Variants in THAP4 observed in about 807,000 individuals in gnomAD.
The protein encoded by THAP4 is THAP domain containing 4.
Under a neutral mutation model 48.1 loss-of-function variants are expected in THAP4, and 18 were observed. The ratio of observed to expected loss-of-function variants is 0.37; its 90% CI spans 0.26 to 0.56. The LOEUF (loss-of-function observed/expected upper bound fraction) is 0.56. THAP4 is among the 20% of genes least tolerant of loss of function. THAP4 has a pLI of 0.78. For synonymous variants in THAP4, 345 were observed against 324.9 expected, an observed-to-expected ratio of 1.06 and a Z score of -0.66; for missense variants, 656 against 774.9, an observed-to-expected ratio of 0.85 and a Z score of 1.82.
At chr2:241,606,623 G>T in intron 2 of THAP4, 150 bp from the exon 3 acceptor site, 1 of 734,988 alleles carries the variant, frequency 1.4e-6, no homozygotes, top group Non-Finnish European at 2.1e-6. Context: ...AAATGGTCAA[G>T]CAACTGTAAA....
At chr2:241,603,924 G>A (rs2067148549) in intron 3 of THAP4, among the ~76,000 whole-genome samples, 1 of 151,078 alleles carries the variant, frequency 6.6e-6, no homozygotes, top group South Asian at 2.1e-4. Flanking sequence ...GGCCCAGTCG[G>A]GTAGATCTCT....
rs2067584164 is a variant in THAP4 at position 241,632,936 on chromosome 2, G to A, written c.1221C>T (p.Ser407=). The part of the protein sequence containing the change: ...LRRVSVPYPS[S]LLSPSREPPK... ...ACTGACCGCGGCTGGGCGACAGCAG[G>A]CTACTTGGATAGGGGACGCTCACTC... The change falls in exon 2 of 6, where the codon AGC becomes AGT. Residue 407 remains serine, a synonymous_variant. Transcript: ENST00000407315. The A allele has an allele frequency of 1.9e-6, 3 of 1,605,310 alleles. No individual in the cohort carries two copies. In the African/African-American group the frequency reaches 4.0e-5, roughly 22 times the overall value.
At chr2:241,628,269 T>C (rs1231887939) in intron 2 of THAP4, among the ~76,000 whole-genome samples, 1 of 151,946 alleles carries the variant, frequency 6.6e-6, no homozygotes, top group Admixed American at 6.6e-5. Context: ...GGCCGGGCAC[T>C]GAAGCCCAGC....
chr2:241,596,757 G>A (rs896259816), intron 5 of THAP4, among the ~76,000 whole-genome samples: 1 of 151,948 alleles, frequency 6.6e-6, no homozygotes, highest in African/African-American at 2.4e-5. Flanking sequence ...AGTGAGCCGA[G>A]ACTGCACCAC....
At chr2:241,613,152 C>CA (rs924052102) in intron 2 of THAP4, among the ~76,000 whole-genome samples, 1 of 152,026 alleles carries the variant, frequency 6.6e-6, no homozygotes, top group African/African-American at 2.4e-5. Flanking sequence ...CAACCCTTGG[C>CA]ACCCAAGGAG....
intron 5 of THAP4, 120 bp from the exon 6 acceptor site, chr2:241,584,845 C>A: frequency 7.6e-7 from 1 of 1,320,652 alleles, no homozygotes; most frequent in African/African-American, 1.4e-5. Context: ...AGTGGCCCTG[C>A]CAGAGGAGGG....
chr2:241,585,933 AAAAAAAAG>A, intron 5 of THAP4, among the ~76,000 whole-genome samples: 2 of 148,314 alleles, frequency 1.3e-5, no homozygotes, highest in Admixed American at 6.8e-5. Context: ...AAAAAAAGAA[AAAAAAAAG>A]AAAAAGAAAA....
chr2:241,617,630 G>T, intron 2 of THAP4: 1 of 615,494 alleles, frequency 1.6e-6, no homozygotes, highest in Non-Finnish European at 2.7e-6. Flanking sequence ...GAATTTCAGA[G>T]CTGGAAGGAG....
rs1032280432 is a variant in THAP4 at position 241,602,902 on chromosome 2, A to G, written c.1510+68T>C. 2.9e-5 allele frequency: 35 copies of G among 1,221,066 alleles called. No homozygotes were observed. In the Admixed American group the frequency reaches 5.9e-4, roughly 21 times the overall value. 75.6% of individuals were successfully genotyped at this position (1,221,066 alleles called of 1,614,324 possible). ...CAGGGTTGCACATGGGCATCCCTGC[A>G]CCCCTGCTTCGAATGCAGGCAGCAG... On this transcript the variant is annotated intron_variant, in intron 4 of 5. Transcript: ENST00000407315.
intron 2 of THAP4, among the ~76,000 whole-genome samples, chr2:241,626,429 G>A (rs762563890): frequency 2.0e-5 from 3 of 151,282 alleles, no homozygotes; most frequent in East Asian, 1.9e-4. Context: ...CAACAAGAGC[G>A]AAACTACGTC....
intron 2 of THAP4, among the ~76,000 whole-genome samples, chr2:241,620,861 T>C (rs1383882405): frequency 2.6e-5 from 4 of 152,066 alleles, no homozygotes; most frequent in East Asian, 1.9e-4. Flanking sequence ...ACTACCATGG[T>C]GTATGTGGTC....
chr2:241,599,840 T>C (rs1348162558), intron 5 of THAP4, among the ~76,000 whole-genome samples: 2 of 152,196 alleles, frequency 1.3e-5, no homozygotes, highest in East Asian at 3.8e-4. Flanking sequence ...AACGTTCCCT[T>C]AGACATTAAC....
chr2:241,637,399 C>G (rs904095811), upstream of THAP4: 2 of 1,435,080 alleles, frequency 1.4e-6, no homozygotes, highest in African/African-American at 1.5e-5. Flanking sequence ...GAGCTCGCCT[C>G]TGCCGCCTCG....
intron 1 of THAP4, among the ~76,000 whole-genome samples, chr2:241,635,866 G>A (rs1341018112): frequency 6.6e-6 from 1 of 152,192 alleles, no homozygotes; most frequent in Non-Finnish European, 1.5e-5. Context: ...CCTGAGGCCA[G>A]TGTGGACCAG....
chr2:241,633,813 T>C lies in THAP4; in HGVS notation c.344A>G (p.His115Arg). The C allele has an allele frequency of 6.2e-7, 1 of 1,613,634 alleles. No individual in the cohort carries two copies. Among genetic ancestry groups the C allele is most frequent in the Non-Finnish European group, 8.5e-7 (1 of 1,179,682 alleles). ...TCCTCTGCTGGTGGCGGCACTCGAG[T>C]GTCCCCTCACACCCCCTGTGGCCTT... The part of the protein sequence containing the change: ...ASKATGGVRG[H>R]SSAATSRGAA... The change falls in exon 2 of 6, where the codon CAC (histidine) becomes CGC (arginine). Residue 115 changes from histidine to arginine, a missense_variant. Around this residue, in one of 4 missense-constraint regions of THAP4, gnomAD observed 391 missense variants for 412.4 expected, o/e 0.95. Transcript: ENST00000407315. This position sits in a 1 kb window ranked among gnomAD's most constrained non-coding sequence, Gnocchi z 7.5.
rs569921184 is a variant in THAP4, at chr2:241,606,542, T to C, written c.1241-69A>G. The C allele has an allele frequency of 1.1e-5, 15 of 1,413,954 alleles. No homozygotes were observed. In the East Asian group the frequency reaches 3.5e-4, roughly 33 times the overall value. The allele number at this position is 1,413,954 out of a possible 1,614,324, so 87.6% of individuals were successfully genotyped here. A position where few individuals can be genotyped will look rare whatever the true frequency, so the allele number is the denominator to read the frequency against. ...ATGCCTTGCTGAGCTTTAAGCAGAA[T>C]GCACGTTCCATATCGACGCTTGCTT... On this transcript the variant is annotated intron_variant, in intron 2 of 5. Transcript: ENST00000407315.
At chr2:241,624,756 C>G in intron 2 of THAP4, among the ~76,000 whole-genome samples, 1 of 152,220 alleles carries the variant, frequency 6.6e-6, no homozygotes, top group East Asian at 1.9e-4. Flanking sequence ...AAGCCCCTAG[C>G]TTCTGTTTAT....
rs1553556024 is a variant in THAP4, at chr2:241,602,372, CTTTTTT to C, written c.1511-379_1511-374del. Among the ~76,000 whole-genome samples, 14 of 139,110 alleles carry C rather than the reference CTTTTTT, an allele frequency of 1.0e-4. No individual in the cohort carries two copies. The East Asian group carries it at 2.6e-3, about 26-fold the overall frequency. 91.3% of individuals were successfully genotyped at this position (139,110 alleles called of 152,430 possible). Reference sequence around the variant, plus strand: ...CACGCAGGCTGGTTTTTTTTTTTTTCTTTTTTTTTTGAGACAGAATCTCGCTCTGTT... The same window carrying C: ...CACGCAGGCTGGTTTTTTTTTTTTTCTTTTGAGACAGAATCTCGCTCTGTT... On this transcript the variant is annotated intron_variant, in intron 4 of 5. Coordinates refer to ENST00000407315, the MANE Select transcript of THAP4 (RefSeq NM_015963.6).
At chr2:241,619,723 AGTCGG>A (rs2067388763) in intron 2 of THAP4, among the ~76,000 whole-genome samples, 1 of 133,810 alleles carries the variant, frequency 7.5e-6, no homozygotes, top group African/African-American at 2.8e-5. Context: ...AGGGTGAGTG[AGTCGG>A]TGAGGGGTGA....
Sources: allele counts gnomAD v4.1 joint callset (sites outside exome capture counted in the v4.1 genomes callset), GRCh38; gene constraint gnomAD v4.1.1; regional missense constraint gnomAD v4.1.1; non-coding constraint Gnocchi (gnomAD v3.1); transcripts MANE v1.5; gene names NCBI Gene and HGNC (gene_info 2026-07-23, HGNC 2026-07-21).